Variants in LDHAL6A observed in about 807,000 individuals in gnomAD.
The protein encoded by LDHAL6A is lactate dehydrogenase A like 6A, also known as L-lactate dehydrogenase A-like 6A.
In LDHAL6A, 19 loss-of-function variants were observed where a neutral mutation model predicts 28.2. That is an observed-to-expected ratio of 0.67 (90% CI 0.47 to 0.99). The LOEUF is 0.99. Among genes scored for constraint, LDHAL6A ranks in the 50% least tolerant of loss-of-function variants. The pLI, the probability that LDHAL6A is intolerant of heterozygous loss-of-function variation, is 0.00. For synonymous variants in LDHAL6A, 144 were observed against 134.4 expected (o/e 1.07, Z -0.49); for missense variants, 372 against 398.6 (o/e 0.93, Z 0.57).
In LDHAL6A at chr11:18,456,534, C is replaced by G. The variant is rs186680127; in HGVS notation, c.-147C>G. On this transcript the variant is annotated 5_prime_UTR_variant, in exon 1 of 7. Transcript: ENST00000280706. Reference sequence around the variant, plus strand: ...TTCTTTGCTGGTCAGATTTGTCGGTCTTTTGTGTGTCTGCAGCACCTCCTT... The same window carrying G: ...TTCTTTGCTGGTCAGATTTGTCGGTGTTTTGTGTGTCTGCAGCACCTCCTT... 2 of 680,236 alleles carry G rather than the reference C, an allele frequency of 2.9e-6. No individual in the cohort carries two copies. The highest frequency in any genetic ancestry group is 3.7e-5 in the African/African-American group (2 of 54,014). The allele number at this position is 680,236 out of a possible 1,614,324, so 42.1% of individuals were successfully genotyped here. A position where few individuals can be genotyped will look rare whatever the true frequency, so the allele number is the denominator to read the frequency against.
intron 3 of LDHAL6A, among the ~76,000 whole-genome samples, chr11:18,471,210 G>GTTTT (rs71313425): frequency 7.2e-6 from 1 of 138,886 alleles, no homozygotes; most frequent in Non-Finnish European, 1.6e-5. Context: ...AACTTTAGAA[G>GTTTT]TTTTTTTTTT....
chr11:18,458,225 T>C (rs563261018), intron 1 of LDHAL6A, among the ~76,000 whole-genome samples: 14 of 152,262 alleles, frequency 9.2e-5, no homozygotes, highest in South Asian at 2.1e-4. Flanking sequence ...TGGGAGGTCC[T>C]AGATAGATCT....
rs761414017 is a variant in LDHAL6A at position 18,478,936 on chromosome 11, CTT to C, written c.*69_*70del. The C allele has an allele frequency of 1.1e-4, 149 of 1,309,540 alleles. No homozygotes were observed. Among genetic ancestry groups the C allele is most frequent in the Admixed American group, 3.8e-4 (17 of 45,114 alleles). The allele number at this position is 1,309,540 out of a possible 1,614,324, so 81.1% of individuals were successfully genotyped here. A position where few individuals can be genotyped will look rare whatever the true frequency, so the allele number is the denominator to read the frequency against. On this transcript the variant is annotated 3_prime_UTR_variant, in exon 7 of 7. Coordinates refer to ENST00000280706, the MANE Select transcript of LDHAL6A (RefSeq NM_144972.5). ...TAGTTATGGAATTGTATATGTCAAA[CTT>C]TTGAATAAATTTGAATTTCTAAAAG...
intron 3 of LDHAL6A, chr11:18,468,643 A>T (rs1849183653): frequency 6.6e-6 from 1 of 152,066 alleles, no homozygotes; most frequent in South Asian, 2.1e-4. Context: ...CCCGGCTTGG[A>T]TGTATAATGT....
At chr11:18,464,208 C>G in intron 2 of LDHAL6A, 130 bp downstream of exon 2, 1 of 612,282 alleles carries the variant, frequency 1.6e-6, no homozygotes, top group East Asian at 2.9e-5. Flanking sequence ...TCTGTACTCT[C>G]ATAACGTGTT....
In LDHAL6A at chr11:18,478,747, A is replaced by T; in HGVS notation, c.876A>T (p.Pro292=). The change falls in exon 7 of 7, where the codon CCA becomes CCT. Residue 292 remains proline, a synonymous_variant. Transcript: ENST00000280706. ...ATGAAGACATATTCCTTAGTGTCCC[A>T]TGTATCCTGGGAGAGAATGGTATCA... is the stretch of plus-strand genomic sequence containing the variant. The part of the protein sequence containing the change: ...GINEDIFLSV[P]CILGENGITD... The T allele has an allele frequency of 6.2e-7, 1 of 1,613,048 alleles. No homozygotes were observed. Among genetic ancestry groups the T allele is most frequent in the Admixed American group, 1.7e-5 (1 of 59,950 alleles).
rs2133857083 is a variant in LDHAL6A, at chr11:18,456,819, C to T, written c.126+13C>T. ...CATCTTATTAAAAGTAAGTTGTGTG[C>T]TCTGCACCACAGGGTTCACCTCAGT... is the stretch of plus-strand genomic sequence containing the variant. On this transcript the variant is annotated intron_variant, in intron 1 of 6. Transcript: ENST00000280706. The T allele has an allele frequency of 6.2e-7, 1 of 1,610,250 alleles. No individual in the cohort carries two copies. Among genetic ancestry groups the T allele is most frequent in the Non-Finnish European group, 8.5e-7 (1 of 1,178,614 alleles).
At position 18,460,086 on chromosome 11, in the gene LDHAL6A, A is replaced by C. The variant is rs143587791; in HGVS notation, c.126+3280A>C. ...TCTAGGTTGATCAGTTGTACAGTCT[A>C]GTTTAAAATGTAAAGCGCTTGGCTT... On this transcript the variant is annotated intron_variant, in intron 1 of 6. Coordinates refer to ENST00000280706, the MANE Select transcript of LDHAL6A (RefSeq NM_144972.5). Among the ~76,000 whole-genome samples the C allele has an allele frequency of 7.2e-4, 109 of 152,284 alleles. 3 individuals carry two copies. Among genetic ancestry groups the C allele is most frequent in the African/African-American group, 2.6e-3 (107 of 41,566 alleles).
chr11:18,466,921 A>G (rs1849088878), intron 3 of LDHAL6A, among the ~76,000 whole-genome samples: 1 of 152,210 alleles, frequency 6.6e-6, no homozygotes. Flanking sequence ...AGGGAGGAAT[A>G]AAAAATAACT....
chr11:18,466,819 C>T (rs977214669), intron 3 of LDHAL6A, among the ~76,000 whole-genome samples: 4 of 152,146 alleles, frequency 2.6e-5, no homozygotes, highest in African/African-American at 9.7e-5. Context: ...TACTAGACTC[C>T]TCACTGGTGC....
At chr11:18,475,691 TACAG>T (rs1249166719) in intron 4 of LDHAL6A, 52 bp downstream of exon 4, 2 of 1,475,780 alleles carry the variant, frequency 1.4e-6, no homozygotes, top group Non-Finnish European at 1.8e-6. Flanking sequence ...CTATCAATCA[TACAG>T]ACATTTAATG....
At chr11:18,474,627 T>C (rs959757420) in intron 3 of LDHAL6A, among the ~76,000 whole-genome samples, 1 of 152,236 alleles carries the variant, frequency 6.6e-6, no homozygotes, top group Non-Finnish European at 1.5e-5. Flanking sequence ...CCTCAGGTAA[T>C]CCACTGGCTT....
chr11:18,465,125 C>T (rs546690020), intron 2 of LDHAL6A, among the ~76,000 whole-genome samples: 58 of 151,618 alleles, frequency 3.8e-4, no homozygotes, highest in Non-Finnish European at 7.5e-4. Context: ...CACTACTGTA[C>T]CCAATTTAGG....
chr11:18,461,110 T>C (rs1848889504), intron 1 of LDHAL6A, among the ~76,000 whole-genome samples: 1 of 151,618 alleles, frequency 6.6e-6, no homozygotes, highest in Non-Finnish European at 1.5e-5. Flanking sequence ...AGTGCTGGGA[T>C]TACATGCGTG....
At chr11:18,469,022 G>T (rs999813072) in intron 3 of LDHAL6A, 10 of 401,312 alleles carry the variant, frequency 2.5e-5, no homozygotes, top group Non-Finnish European at 8.8e-6. Context: ...ATAACAAGCT[G>T]ATGATACATT....
In LDHAL6A at chr11:18,467,133, G is replaced by T. The variant is rs7927767; in HGVS notation, c.418+1323G>T. On this transcript the variant is annotated intron_variant, in intron 3 of 6. Transcript: ENST00000280706. ...ATGAGTCTGGAGCTTAGTAGTTTAG[G>T]GATATTCAAATTACTGTATTCTAAA... is the stretch of plus-strand genomic sequence containing the variant. 9.8e-3 allele frequency among the ~76,000 whole-genome samples: 1,491 copies of T among 152,212 alleles called. 27 individuals carry two copies. The highest frequency in any genetic ancestry group is 0.034 in the African/African-American group (1,426 of 41,540).
intron 3 of LDHAL6A, among the ~76,000 whole-genome samples, chr11:18,472,918 T>C (rs1431100984): frequency 6.6e-6 from 1 of 152,190 alleles, no homozygotes; most frequent in Non-Finnish European, 1.5e-5. Context: ...TACCTGTTTT[T>C]CCCCAAATAA....
Position 18,464,977 on chromosome 11 carries a change from G to GTTT in LDHAL6A, c.245-653_245-651dup, listed in dbSNP as rs67628824. 2.7e-4 allele frequency among the ~76,000 whole-genome samples: 34 copies of GTTT among 125,528 alleles called. 1 individual carries two copies. The highest frequency in any genetic ancestry group is 5.0e-4 in the South Asian group (2 of 4,038). The allele number at this position is 125,528 out of a possible 152,430, so 82.4% of individuals were successfully genotyped here. A position where few individuals can be genotyped will look rare whatever the true frequency, so the allele number is the denominator to read the frequency against. ...TTTTAGGAGGTGAGGTGTTTTTTTT[G>GTTT]TTTTTTTTTGTTTTGTTTTGTTTTG... On this transcript the variant is annotated intron_variant, in intron 2 of 6. Coordinates refer to ENST00000280706, the MANE Select transcript of LDHAL6A (RefSeq NM_144972.5).
chr11:18,461,780 A>G (rs1590246797), intron 1 of LDHAL6A, among the ~76,000 whole-genome samples: 1 of 150,528 alleles, frequency 6.6e-6, no homozygotes, highest in South Asian at 2.1e-4. Context: ...TGAACCCGGG[A>G]AGGTGTGGGT....
Sources: gnomAD v4.1 joint callset for allele counts (sites outside exome capture counted in the v4.1 genomes callset) on GRCh38, gnomAD v4.1.1 for gene constraint, MANE v1.5 for transcripts, NCBI Gene and HGNC (gene_info 2026-07-23, HGNC 2026-07-21) for gene names.